Variants in TNFAIP8 observed in about 807,000 individuals in gnomAD.
TNFAIP8 encodes tumor necrosis factor alpha-induced protein 8.
In TNFAIP8, 7 loss-of-function variants were observed where a neutral mutation model predicts 13.3. The ratio of observed to expected loss-of-function variants is 0.52; its 90% CI spans 0.30 to 0.99. The LOEUF (loss-of-function observed/expected upper bound fraction) is 0.99, where lower values mean the gene tolerates loss of function less well. Ranked by LOEUF, TNFAIP8 falls within the 50% of genes least tolerant of loss-of-function variation. The pLI, the probability that TNFAIP8 is intolerant of heterozygous loss-of-function variation, is 0.07. For synonymous variants in TNFAIP8, 94 were observed against 87.6 expected, an observed-to-expected ratio of 1.07 and a Z score of -0.41; for missense variants, 258 against 236.9, an observed-to-expected ratio of 1.09 and a Z score of -0.58.
At chr5:119,379,993 G>T (rs1278168495) in intron 1 of TNFAIP8, among the ~76,000 whole-genome samples, 1 of 152,178 alleles carries the variant, frequency 6.6e-6, no homozygotes, top group African/African-American at 2.4e-5. Flanking sequence ...CATGGCATTT[G>T]GTAGGCAATT....
intron 1 of TNFAIP8, chr5:119,269,040 G>C (rs540661746): frequency 1.7e-6 from 1 of 589,646 alleles, no homozygotes; most frequent in African/African-American, 2.0e-5. Flanking sequence ...AGTGTGAGTG[G>C]GTGCGTTTGA....
At chr5:119,317,257 C>A (rs1749927215) in intron 1 of TNFAIP8, among the ~76,000 whole-genome samples, 1 of 151,664 alleles carries the variant, frequency 6.6e-6, no homozygotes, top group Non-Finnish European at 1.5e-5. Context: ...GAAGAAGACC[C>A]AAGTTAAGAA....
rs903103400 is a variant in TNFAIP8 at position 119,381,582 on chromosome 5, A to G, written c.32-11234A>G. Among the ~76,000 whole-genome samples the G allele has an allele frequency of 1.2e-4, 18 of 152,042 alleles. 1 individual carries two copies. Among genetic ancestry groups the G allele is most frequent in the Admixed American group, 8.5e-4 (13 of 15,246 alleles). On this transcript the variant is annotated intron_variant, in intron 1 of 1. Transcript: ENST00000504771. ...ATTAAAAAAACGGAGTACAGAGACT[A>G]TATACCACAGTATAGAGGCCATTCC...
rs184485629 is a variant in TNFAIP8 at position 119,308,989 on chromosome 5, T to C, written c.1+40082T>C. Reference sequence around the variant, plus strand: ...TAGCCTGGTAAAAAGGCAAAAGCAGTTGTGCATGTATGTGATAAAATTGCT... The same window carrying C: ...TAGCCTGGTAAAAAGGCAAAAGCAGCTGTGCATGTATGTGATAAAATTGCT... On this transcript the variant is annotated intron_variant, in intron 1 of 1. Coordinates refer to the TNFAIP8 transcript ENST00000274456. Among the ~76,000 whole-genome samples, 473 of 152,276 alleles carry C rather than the reference T, an allele frequency of 3.1e-3. 2 individuals carry two copies. The highest frequency in any genetic ancestry group is 4.9e-3 in the Non-Finnish European group (330 of 68,020).
intron 1 of TNFAIP8, among the ~76,000 whole-genome samples, chr5:119,278,671 C>T (rs1748539907): frequency 6.6e-6 from 1 of 152,024 alleles, no homozygotes; most frequent in African/African-American, 2.4e-5. Flanking sequence ...TGTACTAACC[C>T]TGGGCTCCCA....
chr5:119,375,603 T>C (rs2112824730), intron 1 of TNFAIP8, among the ~76,000 whole-genome samples: 1 of 152,338 alleles, frequency 6.6e-6, no homozygotes, highest in East Asian at 1.9e-4. Flanking sequence ...AATGATCTTT[T>C]TAGTTATTTT....
In TNFAIP8 at chr5:119,381,339, A is replaced by G. The variant is rs140403040; in HGVS notation, c.32-11477A>G. ...GCAGATTGTGTGAGCTCAGGGGTTC[A>G]AGACCATCGTAGGCAACATGTTGAA... is the stretch of plus-strand genomic sequence containing the variant. On this transcript the variant is annotated intron_variant, in intron 1 of 1. Coordinates refer to ENST00000504771, the MANE Select transcript of TNFAIP8 (RefSeq NM_014350.4). Among the ~76,000 whole-genome samples, 723 of 152,246 alleles carry G rather than the reference A, an allele frequency of 4.7e-3. 10 individuals carry two copies. In the South Asian group the frequency reaches 0.049, roughly 10 times the overall value.
At chr5:119,332,885 T>G (rs1750428025) in intron 1 of TNFAIP8, among the ~76,000 whole-genome samples, 1 of 152,194 alleles carries the variant, frequency 6.6e-6, no homozygotes, top group Non-Finnish European at 1.5e-5. Context: ...ACACTTACAT[T>G]CATTATGAAA....
rs1251225964 is a variant in TNFAIP8, at chr5:119,394,112, G to A, written c.*731G>A. 1 of 152,120 alleles carries A rather than the reference G, an allele frequency of 6.6e-6. No homozygotes were observed. The highest frequency in any genetic ancestry group is 1.5e-5 in the Non-Finnish European group (1 of 68,010). The allele number at this position is 152,120 out of a possible 1,614,324, so 9.4% of individuals were successfully genotyped here. A position where few individuals can be genotyped will look rare whatever the true frequency, so the allele number is the denominator to read the frequency against. On this transcript the variant is annotated 3_prime_UTR_variant, in exon 2 of 2. Transcript: ENST00000504771. ...AATGCTTGCTTAGGGCTTCTTTTAT[G>A]TTATCTTAAAAAGTGCTGGTGAATT...
chr5:119,273,415 G>A (rs1748349199), intron 1 of TNFAIP8, among the ~76,000 whole-genome samples: 1 of 152,056 alleles, frequency 6.6e-6, no homozygotes, highest in African/African-American at 2.4e-5. Flanking sequence ...AATGCCAGAG[G>A]AGCCCAGAGA....
chr5:119,376,275 T>C lies in TNFAIP8; in HGVS notation c.32-16541T>C, dbSNP rs554398013. 3.9e-3 allele frequency among the ~76,000 whole-genome samples: 591 copies of C among 152,130 alleles called. 3 individuals are homozygous for C. Among genetic ancestry groups the C allele is most frequent in the Non-Finnish European group, 5.4e-3 (364 of 67,988 alleles). ...GATTACAGGCATGTGCCACCACAGCTGGCTAATTTTTGTATTTTTAGTAGA... is the reference window on the plus strand; with the variant it reads ...GATTACAGGCATGTGCCACCACAGCCGGCTAATTTTTGTATTTTTAGTAGA... On this transcript the variant is annotated intron_variant, in intron 1 of 1. Coordinates refer to ENST00000504771, the MANE Select transcript of TNFAIP8 (RefSeq NM_014350.4).
chr5:119,323,012 T>C (rs1750110574), intron 1 of TNFAIP8, among the ~76,000 whole-genome samples: 1 of 152,242 alleles, frequency 6.6e-6, no homozygotes. Context: ...CTGCTGCTTC[T>C]GGCCTTACCC....
At chr5:119,350,983 G>C (rs1169722959) in intron 1 of TNFAIP8, among the ~76,000 whole-genome samples, 1 of 130,434 alleles carries the variant, frequency 7.7e-6, no homozygotes, top group African/African-American at 3.2e-5. Context: ...TGTGTGTAGA[G>C]AGAGGGGTCT....
chr5:119,292,048 C>T (rs761414522), intron 1 of TNFAIP8, among the ~76,000 whole-genome samples: 14 of 152,070 alleles, frequency 9.2e-5, no homozygotes, highest in Non-Finnish European at 7.4e-5. Flanking sequence ...GGACCGGAAG[C>T]GATTGATTTG....
At chr5:119,318,146 G>T (rs1200772683) in intron 1 of TNFAIP8, among the ~76,000 whole-genome samples, 1 of 151,704 alleles carries the variant, frequency 6.6e-6, no homozygotes, top group African/African-American at 2.4e-5. Context: ...GATCAAAGTA[G>T]TCACAGCTCT....
At chr5:119,374,455 G>C (rs1389054253) in intron 1 of TNFAIP8, among the ~76,000 whole-genome samples, 1 of 152,204 alleles carries the variant, frequency 6.6e-6, no homozygotes, top group Non-Finnish European at 1.5e-5. Context: ...CTTTTCAGGG[G>C]AAGAGAGATT....
chr5:119,365,502 C>T (rs988765353), intron 1 of TNFAIP8, among the ~76,000 whole-genome samples: 2 of 152,188 alleles, frequency 1.3e-5, no homozygotes, highest in Non-Finnish European at 2.9e-5. Flanking sequence ...TCAGGAGGTA[C>T]TGTATAAATA....
intron 1 of TNFAIP8, among the ~76,000 whole-genome samples, chr5:119,270,323 C>T (rs993592230): frequency 6.6e-6 from 1 of 152,246 alleles, no homozygotes; most frequent in African/African-American, 2.4e-5. Flanking sequence ...ATGACTCCAT[C>T]TCTCTTTAAG....
At chr5:119,280,169 G>A (rs1283225931) in intron 1 of TNFAIP8, among the ~76,000 whole-genome samples, 1 of 152,044 alleles carries the variant, frequency 6.6e-6, no homozygotes, top group Admixed American at 6.6e-5. Flanking sequence ...ATAGAACTTT[G>A]CCAGAGGGAC....
Sources: gnomAD v4.1 joint callset for allele counts (sites outside exome capture counted in the v4.1 genomes callset) on GRCh38, gnomAD v4.1.1 for gene constraint, MANE v1.5 for transcripts, NCBI Gene and HGNC (gene_info 2026-07-23, HGNC 2026-07-21) for gene names.